Variants in NTM observed in about 807,000 individuals in gnomAD.
NTM encodes IgLON family member 2.
In NTM, 13 loss-of-function variants were observed where a neutral mutation model predicts 42.1. That is an observed-to-expected ratio of 0.31 (90% CI 0.20 to 0.49). The LOEUF is 0.49. NTM is among the 20% of genes least tolerant of loss of function. The pLI is 0.99. For missense variants in NTM, 373 were observed against 452.8 expected, an observed-to-expected ratio of 0.82 and a Z score of 1.60; for synonymous variants, 187 against 179.2, an observed-to-expected ratio of 1.04 and a Z score of -0.35.
intron 2 of NTM, among the ~76,000 whole-genome samples, chr11:132,141,597 C>A (rs538329899): frequency 6.6e-6 from 1 of 152,224 alleles, no homozygotes; most frequent in South Asian, 2.1e-4. Context: ...TGGCTGGATC[C>A]TCTTTTGGCC....
At chr11:131,746,498 A>G (rs184918012) in intron 1 of NTM, among the ~76,000 whole-genome samples, 13 of 152,282 alleles carry the variant, frequency 8.5e-5, no homozygotes, top group Non-Finnish European at 1.5e-4. Context: ...ACGTTTTTCC[A>G]TTATGTTCCC....
At chr11:131,560,669 C>T (rs1444942844) in intron 1 of NTM, among the ~76,000 whole-genome samples, 1 of 152,172 alleles carries the variant, frequency 6.6e-6, no homozygotes, top group African/African-American at 2.4e-5. Context: ...TCATGAAAAA[C>T]CTTTAAGGCC....
rs542695081 is a variant in NTM, at chr11:132,184,946, A to T, written c.401-27076A>T. On this transcript the variant is annotated intron_variant, in intron 3 of 8. Transcript: ENST00000683400. ...CAGCTTACCTTTTTTTGTTGTTCTA[A>T]TTTTTCTTGATTTGGATTAATACTG... is the stretch of plus-strand genomic sequence containing the variant. Among the ~76,000 whole-genome samples, 51 of 151,738 alleles carry T rather than the reference A, an allele frequency of 3.4e-4. No individual in the cohort carries two copies. The South Asian group carries it at 6.3e-3, about 19-fold the overall frequency.
chr11:131,465,967 A>G (rs1025790798), intron 1 of NTM, among the ~76,000 whole-genome samples: 3 of 152,338 alleles, frequency 2.0e-5, no homozygotes, highest in Admixed American at 1.3e-4. Flanking sequence ...TGGCCCTTTG[A>G]GCGCCCCTTC....
intron 4 of NTM, among the ~76,000 whole-genome samples, chr11:132,275,887 C>T (rs2093707273): frequency 6.6e-6 from 1 of 151,522 alleles, no homozygotes; most frequent in Non-Finnish European, 1.5e-5. Context: ...TAATATTTTA[C>T]TGTTAACCAT....
chr11:131,523,776 C>T (rs2050070125), intron 1 of NTM, among the ~76,000 whole-genome samples: 1 of 106,026 alleles, frequency 9.4e-6, no homozygotes, highest in African/African-American at 4.3e-5. Flanking sequence ...GAGCGAGACT[C>T]CATCTCAAAA....
chr11:131,940,454 T>C (rs1018066834), intron 2 of NTM, among the ~76,000 whole-genome samples: 26 of 152,354 alleles, frequency 1.7e-4, no homozygotes, highest in African/African-American at 6.0e-4. Flanking sequence ...TATCTGTATT[T>C]ACTTGGTTTT....
intron 1 of NTM, among the ~76,000 whole-genome samples, chr11:131,579,524 T>C (rs1206160484): frequency 6.6e-6 from 1 of 152,152 alleles, no homozygotes; most frequent in Non-Finnish European, 1.5e-5. Flanking sequence ...CAGGACCCCA[T>C]AATATGTGAG....
At chr11:131,838,962 CTT>C (rs552384739) in intron 1 of NTM, among the ~76,000 whole-genome samples, 64 of 136,976 alleles carry the variant, frequency 4.7e-4, no homozygotes, top group Admixed American at 7.4e-4. Flanking sequence ...AGTAAATAAT[CTT>C]TTTTTTTTTT....
intron 3 of NTM, among the ~76,000 whole-genome samples, chr11:132,186,539 G>A (rs756845352): frequency 3.3e-5 from 5 of 152,104 alleles, no homozygotes; most frequent in Admixed American, 2.0e-4. Context: ...TATCATCCAC[G>A]TGGCCACTGC....
intron 2 of NTM, among the ~76,000 whole-genome samples, chr11:132,090,150 A>T (rs1368967289): frequency 2.0e-5 from 3 of 152,190 alleles, no homozygotes; most frequent in African/African-American, 7.2e-5. Context: ...TTAAAAAGTG[A>T]CGGAATGAGA....
At chr11:131,873,278 G>A (rs560721597) in intron 1 of NTM, among the ~76,000 whole-genome samples, 82 of 151,732 alleles carry the variant, frequency 5.4e-4, no homozygotes, top group Non-Finnish European at 9.6e-4. Flanking sequence ...ACCAAACACC[G>A]CATGTTCTCA....
chr11:131,466,337 T>C (rs373527468), intron 1 of NTM, among the ~76,000 whole-genome samples: 63 of 152,250 alleles, frequency 4.1e-4, no homozygotes, highest in African/African-American at 1.4e-3. Flanking sequence ...AAGTGCATTT[T>C]ATTTAATCCT....
At chr11:131,550,155 A>G (rs770604033) in intron 1 of NTM, among the ~76,000 whole-genome samples, 2 of 152,264 alleles carry the variant, frequency 1.3e-5, no homozygotes, top group African/African-American at 2.4e-5. Flanking sequence ...TTAAATGTTT[A>G]CTATGTGCCA....
chr11:132,276,244 G>A (rs1230576418), intron 4 of NTM, among the ~76,000 whole-genome samples: 1 of 151,906 alleles, frequency 6.6e-6, no homozygotes, highest in East Asian at 1.9e-4. Flanking sequence ...TTCATCCATC[G>A]TTAGTCACTT....
chr11:132,170,752 A>C (rs1300091831), intron 3 of NTM, among the ~76,000 whole-genome samples: 1 of 152,240 alleles, frequency 6.6e-6, no homozygotes, highest in Non-Finnish European at 1.5e-5. Context: ...TGGGATACCT[A>C]GCATTGGAAA....
intron 1 of NTM, among the ~76,000 whole-genome samples, chr11:131,778,480 C>T (rs1322802284): frequency 6.6e-6 from 1 of 152,102 alleles, no homozygotes; most frequent in Non-Finnish European, 1.5e-5. Flanking sequence ...GGATTTTTTG[C>T]TTGCTATTAT....
intron 2 of NTM, among the ~76,000 whole-genome samples, chr11:131,980,473 C>T (rs997646328): frequency 1.3e-5 from 2 of 152,172 alleles, no homozygotes; most frequent in African/African-American, 2.4e-5. Context: ...CTACTGATCT[C>T]TTAAATTCCC....
rs1372408365 is a variant in NTM, at chr11:131,598,104, GC to G, written c.82+227219del. Among the ~76,000 whole-genome samples, 5 of 152,342 alleles carry G rather than the reference GC, an allele frequency of 3.3e-5. No individual in the cohort carries two copies. In the East Asian group the frequency reaches 9.6e-4, roughly 29 times the overall value. ...CCCCTGGGGACTGAGCTCAGACCCT[GC>G]CCTTTCCAGGCTGGAAGGGGAGGAT... is the stretch of plus-strand genomic sequence containing the variant. On this transcript the variant is annotated intron_variant, in intron 1 of 8. Coordinates refer to ENST00000683400, the MANE Select transcript of NTM (RefSeq NM_001352005.2).
Sources: allele counts gnomAD v4.1 joint callset (sites outside exome capture counted in the v4.1 genomes callset), GRCh38; gene constraint gnomAD v4.1.1; transcripts MANE v1.5; gene names NCBI Gene and HGNC (gene_info 2026-07-23, HGNC 2026-07-21).